The following NRIP3 variants were observed in gnomAD, a reference collection of about 807,000 sequenced individuals.
The protein encoded by NRIP3 is nuclear receptor-interacting protein 3.
Under a neutral mutation model 29.0 loss-of-function variants are expected in NRIP3, and 31 were observed. The observed-to-expected ratio is 1.07, with a 90% confidence interval of 0.80 to 1.44. The LOEUF (loss-of-function observed/expected upper bound fraction) is 1.44. NRIP3 is among the 40% of genes most tolerant of loss of function. The pLI is 0.00. For synonymous variants in NRIP3, 131 were observed against 118.3 expected, an observed-to-expected ratio of 1.11 and a Z score of -0.70; for missense variants, 314 against 297.9, an observed-to-expected ratio of 1.05 and a Z score of -0.40.
rs1463560423 is a variant in NRIP3 at position 8,983,079 on chromosome 11, C to A, written c.*466G>T. ...ATCCATACTTGAGAAATCAATGAAT[C>A]AATTTGAAGAAACTCTAATTCTAAG... On this transcript the variant is annotated 3_prime_UTR_variant, in exon 7 of 7. Transcript: ENST00000309166. 2.2e-6 allele frequency: 1 copy of A among 444,808 alleles called. No individual in the cohort carries two copies. Among genetic ancestry groups the A allele is most frequent in the Non-Finnish European group, 4.5e-6 (1 of 223,646 alleles). 27.6% of individuals were successfully genotyped at this position (444,808 alleles called of 1,614,324 possible).
At chr11:8,990,467 C>T (rs2134916107) in intron 1 of NRIP3, among the ~76,000 whole-genome samples, 1 of 152,216 alleles carries the variant, frequency 6.6e-6, no homozygotes, top group South Asian at 2.1e-4. Context: ...ATGTAAAATA[C>T]TTAAGTATCA....
chr11:9,000,884 T>C (rs1259916307), intron 1 of NRIP3, among the ~76,000 whole-genome samples: 1 of 151,884 alleles, frequency 6.6e-6, no homozygotes, highest in African/African-American at 2.4e-5. Context: ...GCCTGGGCAA[T>C]ATGGCAAAAT....
intron 1 of NRIP3, among the ~76,000 whole-genome samples, chr11:8,992,301 G>C (rs1854617307): frequency 6.6e-6 from 1 of 152,162 alleles, no homozygotes; most frequent in African/African-American, 2.4e-5. Flanking sequence ...TAAAAAGACT[G>C]ATTAGTTGAT....
chr11:9,003,198 A>G (rs1449502601), intron 1 of NRIP3, among the ~76,000 whole-genome samples: 2 of 152,154 alleles, frequency 1.3e-5, no homozygotes, highest in Non-Finnish European at 2.9e-5. Context: ...GGTTCAGGAA[A>G]CCTTCACATT....
chr11:8,985,797 G>A lies in NRIP3; in HGVS notation c.476C>T (p.Pro159Leu), dbSNP rs1854512242. The change falls in exon 4 of 7, where the codon CCC (proline) becomes CTC (leucine). Residue 159 changes from proline (P) to leucine (L), a missense_variant. Pro to Leu is a moderately conservative substitution (Grantham distance 98, BLOSUM62 -3). Coordinates refer to ENST00000309166, the MANE Select transcript of NRIP3 (RefSeq NM_020645.3). ...CTGGCCCACTACTTTGAGATGCCGG[G>A]GTAGAGAAAGCTTTTCTCCTTCATG... The part of the protein sequence containing the change: ...HKHEGEKLSL[P>L]RHLKVVGQIE... 6.2e-7 allele frequency: 1 copy of A among 1,613,952 alleles called. No individual in the cohort carries two copies. Among genetic ancestry groups the A allele is most frequent in the South Asian group, 1.1e-5 (1 of 91,074 alleles).
rs1347430469 is a variant in NRIP3 at position 8,982,774 on chromosome 11, G to A, written c.*771C>T. 3.2e-6 allele frequency: 1 copy of A among 311,264 alleles called. No individual in the cohort carries two copies. 19.3% of individuals were successfully genotyped at this position (311,264 alleles called of 1,614,324 possible). A position where few individuals can be genotyped will look rare whatever the true frequency, so the allele number is the denominator to read the frequency against. On this transcript the variant is annotated 3_prime_UTR_variant, in exon 7 of 7. Coordinates refer to ENST00000309166, the MANE Select transcript of NRIP3 (RefSeq NM_020645.3). ...CTGGGCTTGGCACACAGGAGGGAGA[G>A]CTACCCAAATCATCCTAGCATCCAT...
At chr11:8,997,355 CAAAAAAA>C (rs11324721) in intron 1 of NRIP3, among the ~76,000 whole-genome samples, 3 of 100,862 alleles carry the variant, frequency 3.0e-5, no homozygotes, top group Admixed American at 1.1e-4. Flanking sequence ...GACTCCGTCT[CAAAAAAA>C]AAAAAAAAAA....
chr11:9,004,095 C>T (rs1257817984), upstream of NRIP3: 2 of 552,412 alleles, frequency 3.6e-6, no homozygotes, highest in African/African-American at 2.0e-5. Context: ...GGCACAGAGT[C>T]CACGCCCCGC....
intron 3 of NRIP3, among the ~76,000 whole-genome samples, chr11:8,987,094 T>G (rs1854532062): frequency 6.6e-6 from 1 of 152,168 alleles, no homozygotes; most frequent in African/African-American, 2.4e-5. Context: ...AGTCCTATTC[T>G]CAGTTCTGAT....
intron 3 of NRIP3, among the ~76,000 whole-genome samples, chr11:8,986,126 C>T (rs1166357705): frequency 6.6e-6 from 1 of 152,186 alleles, no homozygotes; most frequent in Non-Finnish European, 1.5e-5. Flanking sequence ...TTCAGAGAAT[C>T]CTATTCTGTA....
chr11:8,985,380 A>G (rs1771049065), intron 4 of NRIP3, among the ~76,000 whole-genome samples: 1 of 148,150 alleles, frequency 6.7e-6, no homozygotes, highest in South Asian at 2.2e-4. Context: ...CGTGTTAGCT[A>G]GGATGGTCTC....
Position 9,001,861 on chromosome 11 carries a change from T to C in NRIP3, c.174+1901A>G, listed in dbSNP as rs147963201. ...GTGTGAAAACAGTGAGAGAGGGAAA[T>C]CAACTCCATGACGGTGGGGCACAGA... On this transcript the variant is annotated intron_variant, in intron 1 of 6. Coordinates refer to ENST00000309166, the MANE Select transcript of NRIP3 (RefSeq NM_020645.3). Among the ~76,000 whole-genome samples the C allele has an allele frequency of 3.3e-4, 48 of 144,608 alleles. 1 individual carries two copies. In the East Asian group the frequency reaches 7.9e-3, roughly 24 times the overall value. 94.9% of individuals were successfully genotyped at this position (144,608 alleles called of 152,430 possible).
chr11:8,996,353 C>T (rs1367591015), intron 1 of NRIP3, among the ~76,000 whole-genome samples: 1 of 121,470 alleles, frequency 8.2e-6, no homozygotes, highest in African/African-American at 3.1e-5. Context: ...GCAATCTTGG[C>T]TTGCTGAAAT....
chr11:8,982,827 GC>G lies in NRIP3; in HGVS notation c.*717del, dbSNP rs771105504. The G allele has an allele frequency of 2.9e-6, 1 of 349,956 alleles. No individual in the cohort carries two copies. The highest frequency in any genetic ancestry group is 3.9e-5 in the Admixed American group (1 of 25,548). 21.7% of individuals were successfully genotyped at this position (349,956 alleles called of 1,614,324 possible). On this transcript the variant is annotated 3_prime_UTR_variant, in exon 7 of 7. Coordinates refer to ENST00000309166, the MANE Select transcript of NRIP3 (RefSeq NM_020645.3). ...CCAGAGAATATTCCTCCCATGCTCTGCCTTTTTTTTTTTTTTTTTAACACAT... is the reference window on the plus strand; with the variant it reads ...CCAGAGAATATTCCTCCCATGCTCTGCTTTTTTTTTTTTTTTTTAACACAT...
At chr11:8,987,426 C>G in intron 3 of NRIP3, 122 bp downstream of exon 3, 3 of 766,700 alleles carry the variant, frequency 3.9e-6, no homozygotes, top group South Asian at 3.1e-5. Flanking sequence ...CAGCTGAGAT[C>G]TGAACTCTGC....
chr11:8,997,512 A>ACTAAC (rs1267268407), intron 1 of NRIP3, among the ~76,000 whole-genome samples: 1 of 152,202 alleles, frequency 6.6e-6, no homozygotes, highest in Non-Finnish European at 1.5e-5. Flanking sequence ...CAAGGCAGCT[A>ACTAAC]CTAACCTAAG....
chr11:9,001,879 G>A (rs757257858), intron 1 of NRIP3, among the ~76,000 whole-genome samples: 51 of 144,496 alleles, frequency 3.5e-4, no homozygotes, highest in Non-Finnish European at 6.6e-4. Flanking sequence ...ATGACGGTGG[G>A]GCACAGAAAG....
At chr11:9,004,014 C>G (rs997773044), upstream of NRIP3, 182 of 1,315,402 alleles carry the variant, frequency 1.4e-4, no homozygotes, top group Non-Finnish European at 1.7e-4. Context: ...CGCAAGGGCC[C>G]CGAGCCGCGC....
At chr11:9,003,638 G>T in intron 1 of NRIP3, 124 bp downstream of exon 1, 1 of 977,664 alleles carries the variant, frequency 1.0e-6, no homozygotes, top group South Asian at 2.4e-5. Flanking sequence ...GCGACGCAGC[G>T]ACCGCGAGCC....
Sources: allele counts gnomAD v4.1 joint callset (sites outside exome capture counted in the v4.1 genomes callset), GRCh38; gene constraint gnomAD v4.1.1; transcripts MANE v1.5; gene names NCBI Gene and HGNC (gene_info 2026-07-23, HGNC 2026-07-21).